CNOT6: variants seen among roughly 807,000 people sequenced by gnomAD.
The protein encoded by CNOT6 is CCR4-NOT transcription complex subunit 6, also known as carbon catabolite repression 4 protein.
A neutral mutation model predicts 61.2 loss-of-function variants in CNOT6; 12 were observed. The ratio of observed to expected loss-of-function variants is 0.20; its 90% confidence interval spans 0.13 to 0.32. The LOEUF is 0.32. Ranked by LOEUF, CNOT6 falls within the 10% of genes least tolerant of loss-of-function variation. CNOT6 has a pLI of 1.00. For missense variants in CNOT6, 405 were observed against 663.9 expected (o/e 0.61, Z 4.28); for synonymous variants, 225 against 240.6 (o/e 0.94, Z 0.60).
chr5:180,568,009 T>A lies in CNOT6; in HGVS notation c.1027+6T>A. On this transcript the variant is annotated splice_donor_region_variant and intron_variant, in intron 9 of 11. Coordinates refer to ENST00000261951, the MANE Select transcript of CNOT6 (RefSeq NM_001370472.1). ...GGAATCGATTGAAATGCCGTGTGAG[T>A]GCCCTTCACTTCCTGTAAAATTGAC... is the stretch of plus-strand genomic sequence containing the variant. 6.3e-7 allele frequency: 1 copy of A among 1,598,394 alleles called. No homozygotes were observed. Among genetic ancestry groups the A allele is most frequent in the Non-Finnish European group, 8.5e-7 (1 of 1,169,876 alleles).
intron 1 of CNOT6, among the ~76,000 whole-genome samples, chr5:180,525,564 A>G (rs1272624638): frequency 6.6e-6 from 1 of 151,554 alleles, no homozygotes; most frequent in Non-Finnish European, 1.5e-5. Flanking sequence ...AAGTAGTTCT[A>G]TTTCCTGTCA....
intron 3 of CNOT6, among the ~76,000 whole-genome samples, chr5:180,551,234 G>A (rs930962007): frequency 1.3e-5 from 2 of 151,916 alleles, no homozygotes; most frequent in African/African-American, 2.4e-5. Flanking sequence ...GCATGCACCT[G>A]TAGTCCCTGC....
chr5:180,511,257 C>T (rs924241569), intron 1 of CNOT6, among the ~76,000 whole-genome samples: 2 of 151,938 alleles, frequency 1.3e-5, no homozygotes, highest in African/African-American at 2.4e-5. Context: ...GTGGGGAAAT[C>T]GCTTGAATCC....
intron 1 of CNOT6, among the ~76,000 whole-genome samples, chr5:180,517,223 G>A (rs761862419): frequency 6.6e-6 from 1 of 152,014 alleles, no homozygotes; most frequent in Non-Finnish European, 1.5e-5. Flanking sequence ...CTGTAGCCCC[G>A]ACTTTCCTGG....
intron 2 of CNOT6, among the ~76,000 whole-genome samples, chr5:180,547,787 G>T (rs946132050): frequency 2.0e-5 from 3 of 152,118 alleles, no homozygotes; most frequent in Admixed American, 6.6e-5. Flanking sequence ...AGACTGGAGT[G>T]CAGTGGCACC....
intron 1 of CNOT6, among the ~76,000 whole-genome samples, chr5:180,521,780 T>A (rs1227378843): frequency 6.6e-6 from 1 of 152,208 alleles, no homozygotes; most frequent in African/African-American, 2.4e-5. Flanking sequence ...TAGCTCCCAC[T>A]TACACAGTAT....
chr5:180,524,310 A>T (rs951660895), intron 1 of CNOT6, among the ~76,000 whole-genome samples: 2 of 152,234 alleles, frequency 1.3e-5, no homozygotes, highest in Non-Finnish European at 2.9e-5. Flanking sequence ...CTTGGGAAAG[A>T]TCCTAAACTG....
chr5:180,550,471 AC>A (rs1015056314), intron 3 of CNOT6, among the ~76,000 whole-genome samples: 4 of 152,132 alleles, frequency 2.6e-5, no homozygotes, highest in Non-Finnish European at 4.4e-5. Flanking sequence ...AAACAAAAAA[AC>A]ATTTGTTGTG....
chr5:180,500,499 G>A (rs1344539190), intron 1 of CNOT6, among the ~76,000 whole-genome samples: 2 of 149,484 alleles, frequency 1.3e-5, no homozygotes, highest in African/African-American at 2.5e-5. Flanking sequence ...GTGCAGTGGC[G>A]CTATCTAGGC....
intron 1 of CNOT6, among the ~76,000 whole-genome samples, chr5:180,500,538 C>G (rs1213580744): frequency 6.6e-6 from 1 of 151,674 alleles, no homozygotes; most frequent in African/African-American, 2.4e-5. Context: ...CCCGGGTTCA[C>G]GCCATTCTCC....
At chr5:180,508,558 C>T (rs1043402671) in intron 1 of CNOT6, among the ~76,000 whole-genome samples, 13 of 152,138 alleles carry the variant, frequency 8.5e-5, no homozygotes, top group Admixed American at 2.6e-4. Flanking sequence ...AATCCACCTG[C>T]CTCAGCCTCC....
chr5:180,562,909 G>T (rs548115029), intron 4 of CNOT6, among the ~76,000 whole-genome samples: 128 of 152,284 alleles, frequency 8.4e-4, no homozygotes, highest in Non-Finnish European at 1.7e-3. Context: ...TTGTGACTCA[G>T]TGAAAACATG....
chr5:180,569,136 A>G lies in CNOT6; in HGVS notation c.1054A>G (p.Lys352Glu). Residue 352 changes from lysine (K) to glutamate (E), a missense_variant, in exon 10 of 12, where the codon AAA (lysine) becomes GAA (glutamate). Lys to Glu is a moderately conservative substitution (Grantham distance 56). Around this residue, in one of 5 missense-constraint regions of CNOT6, gnomAD observed 116 missense variants for 184.6 expected, o/e 0.63. Transcript: ENST00000261951. ...CGGAAAGCCACATCTTGGAACAGAA[A>G]AACAACTTATTCTTGTGGCTAACGC... ...PSGKPHLGTE[K>E]QLILVANAHM... 2.5e-6 allele frequency: 4 copies of G among 1,614,038 alleles called. No homozygotes were observed. The highest frequency in any genetic ancestry group is 3.4e-6 in the Non-Finnish European group (4 of 1,179,968).
intron 1 of CNOT6, 89 bp downstream of exon 1, chr5:180,494,852 C>G (rs1269399375): frequency 6.6e-6 from 1 of 151,968 alleles, no homozygotes; most frequent in Non-Finnish European, 1.5e-5. Flanking sequence ...GGCTCGGTCG[C>G]GGGCAACTTT....
chr5:180,527,354 G>A (rs1758146475), intron 1 of CNOT6, among the ~76,000 whole-genome samples: 1 of 152,106 alleles, frequency 6.6e-6, no homozygotes, highest in African/African-American at 2.4e-5. Flanking sequence ...ATTTGTTCAA[G>A]ATATTTGGTC....
intron 2 of CNOT6, among the ~76,000 whole-genome samples, chr5:180,541,533 G>C (rs1300587925): frequency 7.6e-6 from 1 of 131,656 alleles, no homozygotes; most frequent in Non-Finnish European, 1.6e-5. Flanking sequence ...CTCACTGCAA[G>C]CTCCGCCTCC....
chr5:180,532,081 A>G lies in CNOT6; in HGVS notation c.112+2693A>G, dbSNP rs1307190466. Among the ~76,000 whole-genome samples the G allele has an allele frequency of 3.3e-5, 5 of 152,108 alleles. No individual in the cohort carries two copies. In the East Asian group the frequency reaches 9.6e-4, roughly 29 times the overall value. ...AGTAGGTGTGGTCATGGAGAGTGAAATTTCTCTTCTTCTCACCTGTCAGAT... is the reference window on the plus strand; with the variant it reads ...AGTAGGTGTGGTCATGGAGAGTGAAGTTTCTCTTCTTCTCACCTGTCAGAT... On this transcript the variant is annotated intron_variant, in intron 2 of 11. Coordinates refer to ENST00000261951, the MANE Select transcript of CNOT6 (RefSeq NM_001370472.1).
intron 4 of CNOT6, among the ~76,000 whole-genome samples, chr5:180,556,695 A>G (rs979985897): frequency 3.3e-5 from 5 of 152,208 alleles, no homozygotes; most frequent in Non-Finnish European, 7.4e-5. Flanking sequence ...GCTCACGCCT[A>G]TAATCCCAGT....
chr5:180,550,168 A>G (rs1341131262), intron 3 of CNOT6, 51 bp downstream of exon 3: 5 of 1,457,872 alleles, frequency 3.4e-6, no homozygotes, highest in Non-Finnish European at 4.8e-6. Flanking sequence ...CTAAAACAAA[A>G]TATAGGCCGG....
Sources: gnomAD v4.1 joint callset for allele counts (sites outside exome capture counted in the v4.1 genomes callset) on GRCh38, gnomAD v4.1.1 for gene constraint, gnomAD v4.1.1 regional missense constraint, MANE v1.5 for transcripts, NCBI Gene and HGNC (gene_info 2026-07-23, HGNC 2026-07-21) for gene names.